The following RIF1 variants were observed in gnomAD, a reference collection of about 807,000 sequenced individuals.
RIF1 encodes replication timing regulatory factor 1.
In RIF1, 45 loss-of-function variants were observed where a neutral mutation model predicts 247.1. The observed-to-expected ratio is 0.18, with a 90% CI of 0.14 to 0.23. The LOEUF (loss-of-function observed/expected upper bound fraction) is 0.23, where lower values mean the gene tolerates loss of function less well. Ranked by LOEUF, RIF1 falls within the 10% of genes least tolerant of loss-of-function variation. RIF1 has a pLI of 1.00. For missense variants in RIF1, 2,967 were observed against 2,862.5 expected, an observed-to-expected ratio of 1.04 and a Z score of -0.83; for synonymous variants, 1,087 against 978.8, an observed-to-expected ratio of 1.11 and a Z score of -2.06.
At position 151,469,777 on chromosome 2, in the gene RIF1, T is replaced by C; in HGVS notation, c.7008T>C (p.Leu2336=). 1 of 1,611,914 alleles carries C rather than the reference T, an allele frequency of 6.2e-7. No homozygotes were observed. The highest frequency in any genetic ancestry group is 8.5e-7 in the Non-Finnish European group (1 of 1,178,384). The change falls in exon 34 of 36, where the codon CTT becomes CTC. Residue 2336 remains leucine, a synonymous_variant. Coordinates refer to ENST00000444746, the MANE Select transcript of RIF1 (RefSeq NM_018151.5). ...NIKTIGDLST[L]TASEIKTLPI... is the part of the protein sequence containing the mutation. ...AAACTATTGGTGATTTGAGTACTCT[T>C]ACAGCATCTGAAATAAAAACTCTTC...
chr2:151,415,181 A>G (rs890159672), intron 4 of RIF1, among the ~76,000 whole-genome samples: 13 of 152,018 alleles, frequency 8.6e-5, no homozygotes, highest in Admixed American at 4.6e-4. Context: ...CCCCGTCTGT[A>G]CTAAAAATAC....
At chr2:151,498,076 A>G (rs2061520392) in intron 10 of RIF1, 1 of 1,463,124 alleles carries the variant, frequency 6.8e-7, no homozygotes, top group Admixed American at 2.5e-5. Flanking sequence ...TTGTTTGTAA[A>G]TATCAGATGA....
At chr2:151,472,724 C>G (rs1267599404) in intron 34 of RIF1, among the ~76,000 whole-genome samples, 1 of 152,218 alleles carries the variant, frequency 6.6e-6, no homozygotes, top group African/African-American at 2.4e-5. Flanking sequence ...ATGAAGCTCA[C>G]TTGATCATGG....
At chr2:151,472,765 C>A (rs897377363) in intron 34 of RIF1, among the ~76,000 whole-genome samples, 4 of 152,080 alleles carry the variant, frequency 2.6e-5, no homozygotes, top group African/African-American at 9.7e-5. Flanking sequence ...CTGCTGGATT[C>A]GTTTTGCCAG....
chr2:151,493,120 T>G, intron 9 of RIF1: 1 of 467,892 alleles, frequency 2.1e-6, no homozygotes, highest in Non-Finnish European at 3.8e-6. Flanking sequence ...CTTGTTATGT[T>G]TAGTATGATG....
At chr2:151,445,957 C>T (rs866393765) in intron 19 of RIF1, among the ~76,000 whole-genome samples, 11 of 152,178 alleles carry the variant, frequency 7.2e-5, no homozygotes, top group African/African-American at 2.7e-4. Flanking sequence ...GCCTTATTTC[C>T]TCTCTTCAGT....
At chr2:151,511,262 C>T (rs2074030519), downstream of RIF1, among the ~76,000 whole-genome samples, 3 of 152,146 alleles carry the variant, frequency 2.0e-5, no homozygotes, top group Admixed American at 2.0e-4. Flanking sequence ...TTTTAAAAAG[C>T]TAATTATTCT....
downstream of RIF1, among the ~76,000 whole-genome samples, chr2:151,510,027 G>A (rs980020721): frequency 6.6e-6 from 1 of 152,176 alleles, no homozygotes; most frequent in African/African-American, 2.4e-5. Context: ...TTGTGTAAGT[G>A]TTCATTCATC....
At chr2:151,458,714 TTGC>T (rs1695639102) in intron 24 of RIF1, 94 bp from the exon 25 acceptor site, 1 of 515,168 alleles carries the variant, frequency 1.9e-6, no homozygotes. Context: ...AAGATGTATT[TTGC>T]TGCTCTAAAA....
chr2:151,439,001 A>G (rs953999679), intron 14 of RIF1, among the ~76,000 whole-genome samples: 3 of 152,358 alleles, frequency 2.0e-5, no homozygotes, highest in East Asian at 1.9e-4. Flanking sequence ...ATAACTTACT[A>G]TCGATTGGAA....
rs570622389 is a variant in RIF1, at chr2:151,429,086, C to A, written c.925+164C>A. ...ATAAATTTGTACTGAAAATAGAATT[C>A]ACATACTAGGCATTGGAAATCACAA... On this transcript the variant is annotated intron_variant, in intron 9 of 35. Transcript: ENST00000444746. 2.0e-5 allele frequency among the ~76,000 whole-genome samples: 3 copies of A among 152,272 alleles called. No homozygotes were observed. The East Asian group carries it at 5.8e-4, about 29-fold the overall frequency.
intron 11 of RIF1, among the ~76,000 whole-genome samples, chr2:151,501,880 A>AT (rs1315249245): frequency 6.6e-6 from 1 of 152,182 alleles, no homozygotes; most frequent in Non-Finnish European, 1.5e-5. Flanking sequence ...TAAAGAATAA[A>AT]TGTTGAAAGC....
chr2:151,417,707 G>A (rs2152121785), intron 6 of RIF1, among the ~76,000 whole-genome samples: 1 of 152,278 alleles, frequency 6.6e-6, no homozygotes, highest in Middle Eastern at 3.4e-3. Context: ...TAAAGTATAT[G>A]GGAGGATGTG....
intron 9 of RIF1, chr2:151,490,130 T>A: frequency 7.2e-7 from 1 of 1,387,142 alleles, no homozygotes; most frequent in South Asian, 1.3e-5. Context: ...TAGGTATCCT[T>A]TAATCTGTGT....
chr2:151,435,767 GT>G (rs76815709), intron 11 of RIF1, among the ~76,000 whole-genome samples, 187 bp downstream of exon 11: 137 of 140,272 alleles, frequency 9.8e-4, no homozygotes, highest in Admixed American at 2.5e-3. Context: ...TCTGTTTTTT[GT>G]TTTTTTTTTT....
In RIF1 at chr2:151,410,452, C is replaced by T; in HGVS notation, c.29C>T (p.Ala10Val). The T allele has an allele frequency of 6.2e-7, 1 of 1,614,014 alleles. No homozygotes were observed. The highest frequency in any genetic ancestry group is 8.5e-7 in the Non-Finnish European group (1 of 1,179,998). MTARGQSPL[A>V]PLLETLEDPS... ...ACGGCCAGGGGTCAGAGCCCCCTCG[C>T]GCCGCTGTTGGAGACTTTGGAAGAC... Residue 10 changes from alanine to valine, a missense_variant, in exon 2 of 36, where the codon GCG becomes GTG. By Grantham distance (64) the Ala-to-Val change is moderately conservative. Transcript: ENST00000444746.
At chr2:151,457,370 G>C (rs554075263) in intron 23 of RIF1, among the ~76,000 whole-genome samples, 1 of 152,106 alleles carries the variant, frequency 6.6e-6, no homozygotes, top group Non-Finnish European at 1.5e-5. Flanking sequence ...CAGTCTGCCC[G>C]CTTTGGCTTC....
chr2:151,474,021 A>T lies in RIF1; in HGVS notation c.7153A>T (p.Asn2385Tyr). ...TTTTGATATTTCTGAAAAAACAGTA[A>T]ATGGAATAGAAAATAAATCTTTGTC... ...PVFDISEKTV[N>Y]GIENKSLSPD... is the part of the protein sequence containing the mutation. Residue 2385 changes from asparagine to tyrosine, a missense_variant, in exon 35 of 36, where the codon AAT (asparagine) becomes TAT (tyrosine). Asn to Tyr is a moderately radical substitution (Grantham distance 143). Around this residue, in one of 7 missense-constraint regions of RIF1, gnomAD observed 151 missense variants for 163.4 expected, o/e 0.92. Coordinates refer to ENST00000444746, the MANE Select transcript of RIF1 (RefSeq NM_018151.5). 1 of 1,594,038 alleles carries T rather than the reference A, an allele frequency of 6.3e-7. No individual in the cohort carries two copies. Among genetic ancestry groups the T allele is most frequent in the Non-Finnish European group, 8.6e-7 (1 of 1,163,232 alleles).
At chr2:151,498,331 C>A (rs1248225972) in intron 10 of RIF1, 1 of 1,550,984 alleles carries the variant, frequency 6.4e-7, no homozygotes, top group African/African-American at 1.4e-5. Flanking sequence ...ATTCCTGTCC[C>A]CAGGTTTTCT....
Sources: allele counts gnomAD v4.1 joint callset (sites outside exome capture counted in the v4.1 genomes callset), GRCh38; gene constraint gnomAD v4.1.1; regional missense constraint gnomAD v4.1.1; transcripts MANE v1.5; gene names NCBI Gene and HGNC (gene_info 2026-07-23, HGNC 2026-07-21).